Variants in GRIN2C observed in about 807,000 individuals in gnomAD.
The protein encoded by GRIN2C is glutamate ionotropic receptor NMDA type subunit 2C, also known as glutamate receptor ionotropic, NMDA 2C.
Under a neutral mutation model 77.7 loss-of-function variants are expected in GRIN2C, and 64 were observed. The ratio of observed to expected loss-of-function variants is 0.82; its 90% CI spans 0.67 to 1.01. GRIN2C has a LOEUF of 1.01. Among genes scored for constraint, GRIN2C ranks in the 50% least tolerant of loss-of-function variants. GRIN2C has a pLI of 0.00. For missense variants in GRIN2C, 1,549 were observed against 1,486.0 expected (o/e 1.04, Z -0.70); for synonymous variants, 792 against 643.4 (o/e 1.23, Z -3.49).
At chr17:74,843,607 G>C in intron 12 of GRIN2C, 54 bp from the exon 13 acceptor site, 1 of 1,521,582 alleles carries the variant, frequency 6.6e-7, no homozygotes, top group South Asian at 1.2e-5. Flanking sequence ...TCAGGGACCC[G>C]CCACGATTGT....
Position 74,842,438 on chromosome 17 carries a change from C to T in GRIN2C, c.3699G>A (p.Val1233=). 1 of 773,050 alleles carries T rather than the reference C, an allele frequency of 1.3e-6. No homozygotes were observed. Among genetic ancestry groups the T allele is most frequent in the Non-Finnish European group, 2.4e-6 (1 of 415,262 alleles). The allele number at this position is 773,050 out of a possible 1,614,324, so 47.9% of individuals were successfully genotyped here. ...WRRISSLESE[V] Reference sequence around the variant, plus strand: ...CGGAGCCTGAGTGGCTGATAACTCACACTTCTGACTCCAGACTGGAGATCC... The same window carrying T: ...CGGAGCCTGAGTGGCTGATAACTCATACTTCTGACTCCAGACTGGAGATCC... The change falls in exon 13 of 13, where the codon GTG becomes GTA. Residue 1233 remains valine (V), a synonymous_variant. Transcript: ENST00000293190.
Position 74,850,614 on chromosome 17 carries a change from T to C in GRIN2C, c.1267A>G (p.Thr423Ala). The C allele has an allele frequency of 6.2e-7, 1 of 1,613,602 alleles. No homozygotes were observed. The highest frequency in any genetic ancestry group is 8.5e-7 in the Non-Finnish European group (1 of 1,180,016). The stretch of plus-strand genomic sequence containing the variant: ...ACGGTGTTGGGGACACAGCCTCCTG[T>C]GCCAGGGTCAGGGCTCTCCACGATG... ...FVIVESPDPG[T>A]GGCVPNTVPC... Residue 423 changes from threonine (T) to alanine (A), a missense_variant, in exon 5 of 13, where the codon ACA becomes GCA. Transcript: ENST00000293190. The surrounding 1 kb of genome is among the most constrained non-coding windows in gnomAD (Gnocchi z 5.3).
chr17:74,849,676 G>T lies in GRIN2C; in HGVS notation c.1645+104C>A. ...CCAAGACCCAAGGCTGCTGTGCTTG[G>T]CCTGTGAGAGCCCACCCAACTCCCC... On this transcript the variant is annotated intron_variant, in intron 7 of 12. Transcript: ENST00000293190. The surrounding 1 kb of genome is among the most constrained non-coding windows in gnomAD (Gnocchi z 4.6). 9.5e-7 allele frequency: 1 copy of T among 1,054,036 alleles called. No individual in the cohort carries two copies. The allele number at this position is 1,054,036 out of a possible 1,614,324, so 65.3% of individuals were successfully genotyped here. A position where few individuals can be genotyped will look rare whatever the true frequency, so the allele number is the denominator to read the frequency against.
chr17:74,855,222 A>C, intron 1 of GRIN2C, 115 bp from the exon 2 acceptor site: 1 of 785,384 alleles, frequency 1.3e-6, no homozygotes, highest in Non-Finnish European at 1.9e-6. Context: ...GAAGAGGGGA[A>C]AACCTCCCTC....
chr17:74,858,144 A>G (rs2037864306), intron 1 of GRIN2C, among the ~76,000 whole-genome samples: 2 of 151,520 alleles, frequency 1.3e-5, no homozygotes, highest in South Asian at 4.2e-4. Context: ...TCTCTTTCCA[A>G]CTCCCTACTC....
rs866828159 is a variant in GRIN2C at position 74,843,262 on chromosome 17, C to A, written c.2875G>T (p.Gly959Cys). 7.0e-6 allele frequency: 6 copies of A among 859,238 alleles called. No individual in the cohort carries two copies. Among genetic ancestry groups the A allele is most frequent in the Admixed American group, 4.1e-5 (1 of 24,252 alleles). 53.2% of individuals were successfully genotyped at this position (859,238 alleles called of 1,614,324 possible). ...PDPPPEPSPT[G>C]WGPPDGGRAA... ...CGACCCCCGTCTGGCGGTCCCCAGCCCGTGGGGCTCGGCTCTGGGGGCGGG... is the reference window on the plus strand; with the variant it reads ...CGACCCCCGTCTGGCGGTCCCCAGCACGTGGGGCTCGGCTCTGGGGGCGGG... Residue 959 changes from glycine to cysteine, a missense_variant, in exon 13 of 13, where the codon GGC becomes TGC. By Grantham distance (159) the Gly-to-Cys change is radical (BLOSUM62 -3). Coordinates refer to ENST00000293190, the MANE Select transcript of GRIN2C (RefSeq NM_000835.6).
rs1297422586 is a variant in GRIN2C, at chr17:74,850,784, C to T, written c.1114-17G>A. 6 of 1,599,796 alleles carry T rather than the reference C, an allele frequency of 3.8e-6. No individual in the cohort carries two copies. Among genetic ancestry groups the T allele is most frequent in the Non-Finnish European group, 4.3e-6 (5 of 1,172,074 alleles). On this transcript the variant is annotated splice_polypyrimidine_tract_variant and intron_variant, in intron 4 of 12. Transcript: ENST00000293190. The surrounding 1 kb of genome is among the most constrained non-coding windows in gnomAD (Gnocchi z 5.3). ...GCGCCCCACCTGTGGAGGGTGACAG[C>T]CTCAGCCTGGGGCCTCCAGCCCTAC... is the stretch of plus-strand genomic sequence containing the variant.
chr17:74,850,266 C>G lies in GRIN2C; in HGVS notation c.1431G>C (p.Leu477=), dbSNP rs1423735056. 1 of 1,613,822 alleles carries G rather than the reference C, an allele frequency of 6.2e-7. No individual in the cohort carries two copies. The change falls in exon 6 of 13, where the codon CTG becomes CTC. Residue 477 remains leucine (L), a synonymous_variant. Coordinates refer to ENST00000293190, the MANE Select transcript of GRIN2C (RefSeq NM_000835.6). The surrounding 1 kb of genome is among the most constrained non-coding windows in gnomAD (Gnocchi z 5.3). Reference sequence around the variant, plus strand: ...GCTTGCCATGCTTGCCGTTGGTCACCAGGTACAGGTCGTAGGAGAATTTGA... The same window carrying G: ...GCTTGCCATGCTTGCCGTTGGTCACGAGGTACAGGTCGTAGGAGAATTTGA... ...RVVKFSYDLY[L]VTNGKHGKRV...
chr17:74,861,070 CCAGA>C (rs2037940583), upstream of GRIN2C, among the ~76,000 whole-genome samples: 1 of 152,208 alleles, frequency 6.6e-6, no homozygotes, highest in African/African-American at 2.4e-5. Flanking sequence ...CCGCGGCAGC[CCAGA>C]CTCCCCTGGT....
intron 1 of GRIN2C, 86 bp from the exon 2 acceptor site, chr17:74,855,193 AC>A: frequency 9.1e-7 from 1 of 1,095,088 alleles, no homozygotes; most frequent in South Asian, 1.8e-5. Flanking sequence ...AGAGGGACAC[AC>A]ATACGGAAGA....
intron 2 of GRIN2C, 158 bp from the exon 3 acceptor site, chr17:74,852,769 T>G: frequency 2.1e-6 from 1 of 465,118 alleles, no homozygotes; most frequent in Non-Finnish European, 3.7e-6. Flanking sequence ...CCCGCCCCAA[T>G]GTGGTTCCCC....
chr17:74,855,035 C>G lies in GRIN2C; in HGVS notation c.58G>C (p.Gly20Arg), dbSNP rs144815165. Residue 20 changes from glycine to arginine, a missense_variant, in exon 2 of 13, where the codon GGG becomes CGG. Transcript: ENST00000293190. ...TGCTCGCCCTGCCCCGGACCCAGCC[C>G]TGCCCAGGCACCGAAGAGCGAGGTG... ...LLTSLFGAWA[G>R]LGPGQGEQGM... 320 of 1,600,812 alleles carry G rather than the reference C, an allele frequency of 2.0e-4. 3 individuals are homozygous for G. The African/African-American group carries it at 4.0e-3, about 20-fold the overall frequency.
At position 74,842,518 on chromosome 17, in the gene GRIN2C, T is replaced by C. The variant is rs769703961; in HGVS notation, c.3619A>G (p.Ile1207Val). Residue 1207 changes from isoleucine (I) to valine (V), a missense_variant, in exon 13 of 13, where the codon ATC becomes GTC. Physicochemically the swap from Ile to Val is conservative, Grantham distance 29. Transcript: ENST00000293190. The stretch of plus-strand genomic sequence containing the variant: ...TGCGTCCCACGGGCTACCCTGCTGA[T>C]CTCGTCCAGTCCCCCACTGTCTCTG... ...GYRDSGGLDE[I>V]SRVARGTQGF... The C allele has an allele frequency of 1.3e-6, 1 of 779,152 alleles. No homozygotes were observed. The highest frequency in any genetic ancestry group is 1.3e-5 in the South Asian group (1 of 74,472). 48.3% of individuals were successfully genotyped at this position (779,152 alleles called of 1,614,324 possible). A position where few individuals can be genotyped will look rare whatever the true frequency, so the allele number is the denominator to read the frequency against.
intron 11 of GRIN2C, among the ~76,000 whole-genome samples, chr17:74,844,859 C>T (rs1265856739): frequency 6.6e-6 from 1 of 152,164 alleles, no homozygotes; most frequent in East Asian, 1.9e-4. Context: ...ATGCCACTCA[C>T]GGAGCTGGGC....
At position 74,852,315 on chromosome 17, in the gene GRIN2C, C is replaced by G; in HGVS notation, c.696G>C (p.Glu232Asp). ...CCGCCTCGGCGAAGAGCACCTCGGC[C>G]TCCTCGCGCGAGCAGTAGGCCACAA... ...PVFVAYCSREEAEVLFAEAAQ... is the reference protein window; with the variant it reads ...PVFVAYCSREDAEVLFAEAAQ... Residue 232 changes from glutamate to aspartate, a missense_variant, in exon 3 of 13, where the codon GAG (glutamate) becomes GAC (aspartate). Coordinates refer to ENST00000293190, the MANE Select transcript of GRIN2C (RefSeq NM_000835.6). 3 of 1,451,872 alleles carry G rather than the reference C, an allele frequency of 2.1e-6. No individual in the cohort carries two copies. Among genetic ancestry groups the G allele is most frequent in the Non-Finnish European group, 2.7e-6 (3 of 1,109,512 alleles). The allele number at this position is 1,451,872 out of a possible 1,614,324, so 89.9% of individuals were successfully genotyped here.
At chr17:74,845,949 C>A in intron 11 of GRIN2C, 117 bp downstream of exon 11, 1 of 943,370 alleles carries the variant, frequency 1.1e-6, no homozygotes, top group Non-Finnish European at 1.7e-6. Flanking sequence ...CCCAACCTCT[C>A]ACCCCCCAGA....
rs527543414 is a variant in GRIN2C at position 74,842,548 on chromosome 17, C to T, written c.3589G>A (p.Gly1197Ser). 205 of 778,226 alleles carry T rather than the reference C, an allele frequency of 2.6e-4. 5 individuals carry two copies. In the South Asian group the frequency reaches 2.7e-3, roughly 10 times the overall value. The allele number at this position is 778,226 out of a possible 1,614,324, so 48.2% of individuals were successfully genotyped here. A position where few individuals can be genotyped will look rare whatever the true frequency, so the allele number is the denominator to read the frequency against. Residue 1197 changes from glycine (G) to serine (S), a missense_variant, in exon 13 of 13, where the codon GGC becomes AGC. By Grantham distance (56) the Gly-to-Ser change is moderately conservative (BLOSUM62 0). Coordinates refer to ENST00000293190, the MANE Select transcript of GRIN2C (RefSeq NM_000835.6). ...HRGRTLGLGT[G>S]YRDSGGLDEI... ...TCCAGTCCCCCACTGTCTCTGTAGC[C>T]TGTGCCCAGCCCCAGAGTCCTGCCC...
In GRIN2C at chr17:74,849,950, A is replaced by G; in HGVS notation, c.1492-17T>C. 1.2e-6 allele frequency: 2 copies of G among 1,606,682 alleles called. No homozygotes were observed. The highest frequency in any genetic ancestry group is 1.7e-6 in the Non-Finnish European group (2 of 1,177,518). On this transcript the variant is annotated splice_polypyrimidine_tract_variant and intron_variant, in intron 6 of 12. Transcript: ENST00000293190. The surrounding 1 kb of genome is among the most constrained non-coding windows in gnomAD (Gnocchi z 4.6). Reference sequence around the variant, plus strand: ...GTAGTACACCTGGGGGCCGGACGCCACGGAGGTTTGAAAAAGGGGCTCCCG... The same window carrying G: ...GTAGTACACCTGGGGGCCGGACGCCGCGGAGGTTTGAAAAAGGGGCTCCCG...
intron 1 of GRIN2C, among the ~76,000 whole-genome samples, chr17:74,858,934 A>G (rs1415332484): frequency 2.6e-5 from 4 of 152,006 alleles, no homozygotes; most frequent in African/African-American, 9.7e-5. Context: ...CCTCTCCCAC[A>G]GGCACCTGCC....
Sources: allele counts gnomAD v4.1 joint callset (sites outside exome capture counted in the v4.1 genomes callset), GRCh38; gene constraint gnomAD v4.1.1; non-coding constraint Gnocchi (gnomAD v3.1); transcripts MANE v1.5; gene names NCBI Gene and HGNC (gene_info 2026-07-23, HGNC 2026-07-21).